Variants in USP9X observed in about 807,000 individuals in gnomAD.
The protein encoded by USP9X is ubiquitin specific peptidase 9 X-linked.
A neutral mutation model predicts 190.3 loss-of-function variants in USP9X; 7 were observed. That is an observed-to-expected ratio of 0.04 (90% CI 0.02 to 0.07). The LOEUF is 0.07. Ranked by LOEUF, USP9X falls within the 10% of genes least tolerant of loss-of-function variation. USP9X has a pLI of 1.00. For missense variants in USP9X, 1,010 were observed against 1,916.9 expected (o/e 0.53, Z 8.83); for synonymous variants, 645 against 659.5 (o/e 0.98, Z 0.34).
chrX:41,212,646 T>A (rs2063177036), intron 33 of USP9X, among the ~76,000 whole-genome samples: 1 of 111,556 alleles, frequency 9.0e-6, no homozygotes, highest in South Asian at 3.7e-4. Flanking sequence ...TGTTATAATA[T>A]GGATTAATGT....
intron 1 of USP9X, among the ~76,000 whole-genome samples, chrX:41,100,476 A>AAT (rs2062026037): frequency 9.0e-6 from 1 of 111,595 alleles, no homozygotes; most frequent in South Asian, 3.7e-4. Context: ...TGAGTAAATG[A>AAT]GCGCTCTACT....
intron 15 of USP9X, among the ~76,000 whole-genome samples, chrX:41,163,559 C>T (rs2062652218): frequency 9.2e-6 from 1 of 109,167 alleles, no homozygotes; most frequent in Non-Finnish European, 1.9e-5. Context: ...CAAGACCAGC[C>T]TGGGCAGCAT....
chrX:41,142,721 GCA>G, intron 9 of USP9X, among the ~76,000 whole-genome samples: 1 of 111,735 alleles, frequency 8.9e-6, no homozygotes, highest in African/African-American at 3.2e-5. Context: ...GAGCAAGCTA[GCA>G]CAGTGTTACA....
intron 39 of USP9X, among the ~76,000 whole-genome samples, chrX:41,224,136 G>A (rs1351838099): frequency 9.1e-6 from 1 of 110,087 alleles, no homozygotes; most frequent in Non-Finnish European, 1.9e-5. Flanking sequence ...CAGCCCAGGA[G>A]ATCAAGGCTG....
intron 1 of USP9X, among the ~76,000 whole-genome samples, chrX:41,108,968 G>A (rs1470970748): frequency 9.0e-6 from 1 of 111,217 alleles, no homozygotes; most frequent in African/African-American, 3.3e-5. Context: ...CAAAGTTGGG[G>A]GTGTTGAGAA....
chrX:41,131,952 A>G (rs1333963886), intron 4 of USP9X, among the ~76,000 whole-genome samples: 3 of 111,608 alleles, frequency 2.7e-5, no homozygotes, highest in East Asian at 2.8e-4. Flanking sequence ...TCTGTCCTCA[A>G]AATATTACTA....
chrX:41,218,710 AAC>A, intron 37 of USP9X, 113 bp downstream of exon 37: 1 of 662,365 alleles, frequency 1.5e-6, no homozygotes, highest in Non-Finnish European at 2.3e-6. Flanking sequence ...ACCTAACAGA[AAC>A]ACACAATATG....
intron 1 of USP9X, among the ~76,000 whole-genome samples, chrX:41,122,271 G>C (rs1207957992): frequency 9.0e-6 from 1 of 111,195 alleles, no homozygotes; most frequent in Non-Finnish European, 1.9e-5. Flanking sequence ...TCTTTACTCT[G>C]TATGCGTGCA....
intron 1 of USP9X, among the ~76,000 whole-genome samples, chrX:41,122,860 A>G (rs1248381518): frequency 9.0e-6 from 1 of 110,717 alleles, no homozygotes; most frequent in Non-Finnish European, 1.9e-5. Flanking sequence ...GAGTTCGGCT[A>G]TCTCACAGCC....
intron 11 of USP9X, among the ~76,000 whole-genome samples, chrX:41,145,563 G>A (rs1190441994): frequency 8.9e-6 from 1 of 111,829 alleles, no homozygotes; most frequent in Non-Finnish European, 1.9e-5. Flanking sequence ...CTAATAAACA[G>A]AAGGTTGAAG....
chrX:41,088,673 T>G (rs1158542861), intron 1 of USP9X, among the ~76,000 whole-genome samples: 1 of 111,864 alleles, frequency 8.9e-6, no homozygotes, highest in Non-Finnish European at 1.9e-5. Flanking sequence ...AGTTAGTTGA[T>G]TTTTATTCTG....
At chrX:41,165,823 G>A (rs752649553) in intron 15 of USP9X, 49 bp from the exon 16 acceptor site, 10 of 1,100,826 alleles carry the variant, frequency 9.1e-6, no homozygotes, top group African/African-American at 7.3e-5. Context: ...TTGCCTTTCC[G>A]GATAAAAATT....
chrX:41,125,718 T>TCTCTCTCTCG (rs1176200100), intron 2 of USP9X, among the ~76,000 whole-genome samples: 10 of 99,214 alleles, frequency 1.0e-4, no homozygotes, highest in African/African-American at 3.7e-4. Flanking sequence ...TCTCTCTCTC[T>TCTCTCTCTCG]CGCGCACGCG....
At chrX:41,104,584 G>T (rs1261685807) in intron 1 of USP9X, among the ~76,000 whole-genome samples, 1 of 111,154 alleles carries the variant, frequency 9.0e-6, no homozygotes, top group African/African-American at 3.3e-5. Flanking sequence ...CCTCTGGGCT[G>T]GTCTAGAGAT....
At chrX:41,097,562 A>C (rs1304004603) in intron 1 of USP9X, among the ~76,000 whole-genome samples, 2 of 112,143 alleles carry the variant, frequency 1.8e-5, no homozygotes, top group African/African-American at 6.5e-5. Context: ...CATTTAATAA[A>C]GTTATGTATG....
intron 1 of USP9X, among the ~76,000 whole-genome samples, chrX:41,102,911 A>T (rs913297976): frequency 2.7e-5 from 3 of 110,747 alleles, no homozygotes; most frequent in Non-Finnish European, 5.7e-5. Context: ...CCCTGCTTCA[A>T]CTTCCCTAGT....
At position 41,172,734 on chromosome X, in the gene USP9X, A is replaced by G. The variant is rs760679216; in HGVS notation, c.3148+776A>G. 2.7e-5 allele frequency among the ~76,000 whole-genome samples: 3 copies of G among 111,564 alleles called. No individual in the cohort carries two copies. The South Asian group carries it at 1.1e-3, about 42-fold the overall frequency. ...TACACCTATCACTTATTCTTCCCAC[A>G]TACTTTTTTTTGAGATATTTTTTAT... On this transcript the variant is annotated intron_variant, in intron 21 of 44. Coordinates refer to ENST00000378308, the MANE Select transcript of USP9X (RefSeq NM_001039591.3).
At chrX:41,210,436 C>T in intron 32 of USP9X, 73 bp from the exon 33 acceptor site, 1 of 1,076,161 alleles carries the variant, frequency 9.3e-7, no homozygotes, top group East Asian at 3.1e-5. Context: ...TTTTTTTTCC[C>T]CTGAAAAATA....
At chrX:41,193,539 T>C (rs1049403956) in intron 26 of USP9X, among the ~76,000 whole-genome samples, 1 of 110,936 alleles carries the variant, frequency 9.0e-6, no homozygotes, top group Non-Finnish European at 1.9e-5. Context: ...TGAACATGCC[T>C]GTAGTCCCAA....
Sources: gnomAD v4.1 joint callset for allele counts (sites outside exome capture counted in the v4.1 genomes callset) on GRCh38, gnomAD v4.1.1 for gene constraint, MANE v1.5 for transcripts, NCBI Gene and HGNC (gene_info 2026-07-23, HGNC 2026-07-21) for gene names.